Variants in STRADA observed in about 807,000 individuals in gnomAD.
STRADA encodes STE20 related adaptor alpha.
A neutral mutation model predicts 55.0 loss-of-function variants in STRADA; 26 were observed. The observed-to-expected ratio is 0.47, with a 90% confidence interval of 0.35 to 0.66. The LOEUF (loss-of-function observed/expected upper bound fraction) is 0.66, where lower values mean the gene tolerates loss of function less well. Ranked by LOEUF, STRADA falls within the 30% of genes least tolerant of loss-of-function variation. The pLI is 0.01. For missense variants in STRADA, 443 were observed against 549.7 expected (o/e 0.81, Z 1.94); for synonymous variants, 197 against 210.9 (o/e 0.93, Z 0.57).
chr17:63,739,727 TATA>T, intron 1 of STRADA, among the ~76,000 whole-genome samples: 1 of 148,564 alleles, frequency 6.7e-6, no homozygotes, highest in Admixed American at 6.8e-5. Context: ...TTTATGTGTA[TATA>T]TTATGTATAC....
intron 4 of STRADA, among the ~76,000 whole-genome samples, chr17:63,717,888 T>C (rs546182391): frequency 1.3e-5 from 2 of 152,016 alleles, no homozygotes; most frequent in South Asian, 4.2e-4. Flanking sequence ...GCTGGGATTA[T>C]AGGCGTGAGC....
At chr17:63,735,859 G>A (rs1568225575) in intron 1 of STRADA, among the ~76,000 whole-genome samples, 1 of 152,148 alleles carries the variant, frequency 6.6e-6, no homozygotes, top group Non-Finnish European at 1.5e-5. Flanking sequence ...AAGTGGGGCT[G>A]AAAACAAGCC....
At chr17:63,726,556 A>T in intron 3 of STRADA, 82 bp downstream of exon 3, 1 of 1,364,994 alleles carries the variant, frequency 7.3e-7, no homozygotes, top group Non-Finnish European at 1.0e-6. Context: ...AGAATTGCCA[A>T]TTGCTATAGA....
rs756621339 is a variant in STRADA at position 63,741,771 on chromosome 17, C to T, written c.-75G>A. ...CCTGGAGTTAGCAAGCAGCCCCGACCGTCTTGGCTCCGCCTCCTCAGTTTT... is the reference window on the plus strand; with the variant it reads ...CCTGGAGTTAGCAAGCAGCCCCGACTGTCTTGGCTCCGCCTCCTCAGTTTT... On this transcript the variant is annotated 5_prime_UTR_variant, in exon 1 of 13. Transcript: ENST00000336174. 9.0e-4 allele frequency: 137 copies of T among 152,926 alleles called. No individual in the cohort carries two copies. The highest frequency in any genetic ancestry group is 1.6e-3 in the Non-Finnish European group (107 of 68,466). 9.5% of individuals were successfully genotyped at this position (152,926 alleles called of 1,614,324 possible).
chr17:63,740,117 C>CAT lies in STRADA; in HGVS notation c.-45+1622_-45+1623dup, dbSNP rs1312410290. ...ATATATATATATATATACATACATA[C>CAT]ATATATATATACACATACATATATA... is the stretch of plus-strand genomic sequence containing the variant. On this transcript the variant is annotated intron_variant, in intron 1 of 12. Transcript: ENST00000336174. Among the ~76,000 whole-genome samples the CAT allele has an allele frequency of 4.7e-4, 25 of 53,620 alleles. 3 individuals are homozygous for CAT. Among genetic ancestry groups the CAT allele is most frequent in the African/African-American group, 2.4e-3 (19 of 8,010 alleles). 35.2% of individuals were successfully genotyped at this position (53,620 alleles called of 152,430 possible).
intron 11 of STRADA, 60 bp downstream of exon 11, chr17:63,704,281 C>T (rs1195352785): frequency 1.3e-6 from 2 of 1,599,038 alleles, no homozygotes; most frequent in African/African-American, 2.7e-5. Context: ...CACACCCTGG[C>T]CTTACCCTCC....
At chr17:63,733,024 A>C (rs1207615523) in intron 1 of STRADA, among the ~76,000 whole-genome samples, 1 of 152,168 alleles carries the variant, frequency 6.6e-6, no homozygotes, top group Non-Finnish European at 1.5e-5. Flanking sequence ...AGTAGCTGGG[A>C]TTACAGGCAC....
intron 3 of STRADA, among the ~76,000 whole-genome samples, chr17:63,724,235 C>T (rs1225993542): frequency 4.6e-5 from 7 of 151,960 alleles, no homozygotes; most frequent in Non-Finnish European, 1.0e-4. Flanking sequence ...CTCCGCCTCC[C>T]GGGTTCAAGC....
chr17:63,722,940 C>G (rs1025490331), intron 4 of STRADA, among the ~76,000 whole-genome samples: 1 of 152,036 alleles, frequency 6.6e-6, no homozygotes, highest in African/African-American at 2.4e-5. Flanking sequence ...TATTAATAAA[C>G]TAAGGACGGA....
At chr17:63,725,173 A>G (rs1054899305) in intron 3 of STRADA, among the ~76,000 whole-genome samples, 3 of 151,908 alleles carry the variant, frequency 2.0e-5, no homozygotes, top group African/African-American at 7.2e-5. Context: ...CGGAGTTTGC[A>G]GTGAGCCGAG....
intron 4 of STRADA, among the ~76,000 whole-genome samples, chr17:63,714,948 G>A (rs2036755302): frequency 6.6e-6 from 1 of 152,216 alleles, no homozygotes; most frequent in African/African-American, 2.4e-5. Flanking sequence ...GACTGTGACT[G>A]CTTTTCTTTT....
intron 4 of STRADA, among the ~76,000 whole-genome samples, chr17:63,722,816 A>T (rs2037401909): frequency 6.6e-6 from 1 of 152,214 alleles, no homozygotes; most frequent in South Asian, 2.1e-4. Context: ...GAAAAAAGTA[A>T]ATGTTCTGTT....
intron 1 of STRADA, chr17:63,737,424 A>G (rs1407240304): frequency 6.6e-6 from 1 of 152,032 alleles, no homozygotes; most frequent in Non-Finnish European, 1.5e-5. Context: ...TCATCAGCTT[A>G]TAAATTTTAA....
chr17:63,715,346 C>CA (rs2036791593), intron 4 of STRADA: 1 of 152,224 alleles, frequency 6.6e-6, no homozygotes, highest in East Asian at 1.9e-4. Context: ...TGTGACTTGC[C>CA]AAAAATCAAA....
chr17:63,736,923 G>A (rs1172196534), intron 1 of STRADA, among the ~76,000 whole-genome samples: 1 of 135,540 alleles, frequency 7.4e-6, no homozygotes. Flanking sequence ...GTCAAAGTCC[G>A]AATTTGAAAC....
intron 1 of STRADA, among the ~76,000 whole-genome samples, chr17:63,738,550 A>G (rs1199567158): frequency 6.6e-6 from 1 of 152,088 alleles, no homozygotes; most frequent in African/African-American, 2.4e-5. Context: ...TTAAAGGACT[A>G]AAACAAAAAA....
At chr17:63,731,088 C>T (rs2038011396) in intron 1 of STRADA, among the ~76,000 whole-genome samples, 2 of 151,992 alleles carry the variant, frequency 1.3e-5, no homozygotes, top group East Asian at 1.9e-4. Context: ...GGACTACAGG[C>T]GTGCGCCACC....
chr17:63,737,461 A>G (rs1308898366), intron 1 of STRADA: 2 of 151,228 alleles, frequency 1.3e-5, no homozygotes, highest in Non-Finnish European at 2.9e-5. Flanking sequence ...TGATAAACTT[A>G]ATTACAGTTA....
intron 3 of STRADA, among the ~76,000 whole-genome samples, chr17:63,724,933 T>C (rs2037543589): frequency 6.6e-6 from 1 of 152,192 alleles, no homozygotes; most frequent in Non-Finnish European, 1.5e-5. Flanking sequence ...CCAGAAATTC[T>C]TTGAGATGTG....
Sources: allele counts gnomAD v4.1 joint callset (sites outside exome capture counted in the v4.1 genomes callset), GRCh38; gene constraint gnomAD v4.1.1; transcripts MANE v1.5; gene names NCBI Gene and HGNC (gene_info 2026-07-23, HGNC 2026-07-21).